The following ARSB variants were observed in gnomAD, a reference collection of about 807,000 sequenced individuals.
The protein encoded by ARSB is arylsulfatase B, also known as N-acetylgalactosamine-4-sulfatase.
In ARSB, 41 loss-of-function variants were observed where a neutral mutation model predicts 50.9. The observed-to-expected ratio is 0.81, with a 90% CI of 0.63 to 1.04. The LOEUF (loss-of-function observed/expected upper bound fraction) is 1.04, where lower values mean the gene tolerates loss of function less well. Among genes scored for constraint, ARSB ranks in the 50% least tolerant of loss-of-function variants. ARSB has a pLI of 0.00. For missense variants in ARSB, 672 were observed against 693.3 expected (o/e 0.97, Z 0.35); for synonymous variants, 269 against 284.8 (o/e 0.94, Z 0.56).
chr5:78,938,533 T>C (rs900825899), intron 4 of ARSB, among the ~76,000 whole-genome samples: 3 of 152,228 alleles, frequency 2.0e-5, no homozygotes, highest in Non-Finnish European at 2.9e-5. Context: ...AGCTTTTCCT[T>C]AGCTTTGTCA....
intron 6 of ARSB, among the ~76,000 whole-genome samples, chr5:78,790,967 C>T (rs1425198230): frequency 6.6e-6 from 1 of 152,190 alleles, no homozygotes; most frequent in African/African-American, 2.4e-5. Flanking sequence ...CACTTTTAGT[C>T]TGTAGCCCCT....
intron 4 of ARSB, among the ~76,000 whole-genome samples, chr5:78,926,731 A>T (rs550052739): frequency 6.6e-6 from 1 of 152,326 alleles, no homozygotes; most frequent in South Asian, 2.1e-4. Flanking sequence ...CTTCAACAAA[A>T]TAATCCCTGG....
chr5:78,870,064 A>G (rs2112145171), intron 5 of ARSB, among the ~76,000 whole-genome samples: 2 of 131,322 alleles, frequency 1.5e-5, no homozygotes, highest in African/African-American at 5.4e-5. Flanking sequence ...GAAAATCTAG[A>G]AGAAATGGAT....
At chr5:78,921,721 A>G (rs1298431710) in intron 4 of ARSB, among the ~76,000 whole-genome samples, 2 of 152,228 alleles carry the variant, frequency 1.3e-5, no homozygotes, top group Non-Finnish European at 2.9e-5. Flanking sequence ...TGAATAACCA[A>G]TGGGTTAAAG....
intron 6 of ARSB, among the ~76,000 whole-genome samples, chr5:78,830,482 C>G (rs999070675): frequency 2.0e-5 from 3 of 152,174 alleles, no homozygotes; most frequent in African/African-American, 7.2e-5. Context: ...TCTGCGTAGC[C>G]TAGGCCAGTG....
intron 4 of ARSB, among the ~76,000 whole-genome samples, chr5:78,916,550 T>C (rs1013704606): frequency 6.6e-5 from 10 of 152,222 alleles, no homozygotes; most frequent in African/African-American, 2.2e-4. Flanking sequence ...GACATCTTTC[T>C]CTTATTGATA....
At chr5:78,910,654 T>C (rs1403430180) in intron 4 of ARSB, among the ~76,000 whole-genome samples, 1 of 152,146 alleles carries the variant, frequency 6.6e-6, no homozygotes, top group Non-Finnish European at 1.5e-5. Context: ...AAATAGAACA[T>C]CTCTTCTATT....
chr5:78,806,822 G>A (rs1047795828), intron 6 of ARSB, among the ~76,000 whole-genome samples: 3 of 152,212 alleles, frequency 2.0e-5, no homozygotes, highest in African/African-American at 7.2e-5. Context: ...CCACCGGAAT[G>A]TGCCATGTGG....
Position 78,809,670 on chromosome 5 carries a change from C to T in ARSB, c.1214-27696G>A, listed in dbSNP as rs867200288. ...GGCCAGGCCTAACACTAGGCAGAGA[C>T]GACTCTGCAGCTGTCTGCTCACACT... On this transcript the variant is annotated intron_variant, in intron 6 of 7. Coordinates refer to ENST00000264914, the MANE Select transcript of ARSB (RefSeq NM_000046.5). Among the ~76,000 whole-genome samples, 13 of 152,374 alleles carry T rather than the reference C, an allele frequency of 8.5e-5. No homozygotes were observed. The Middle Eastern group carries it at 0.014, about 159-fold the overall frequency.
chr5:78,871,820 T>C (rs1247263378), intron 5 of ARSB, among the ~76,000 whole-genome samples: 1 of 129,928 alleles, frequency 7.7e-6, no homozygotes, highest in African/African-American at 2.6e-5. Flanking sequence ...ACAAATGGGA[T>C]CTAATTAAAC....
Position 78,818,598 on chromosome 5 carries a change from C to CTTTTTTTT in ARSB, c.1213+20750_1213+20757dup, listed in dbSNP as rs775162579. Reference sequence around the variant, plus strand: ...TGGAAAGAACCCATAAAATAAAGCTCTTTTTTTTTTTTTTTTTTTTTTTTT... The same window carrying CTTTTTTTT: ...TGGAAAGAACCCATAAAATAAAGCTCTTTTTTTTTTTTTTTTTTTTTTTTTTTTTTTTT... On this transcript the variant is annotated intron_variant, in intron 6 of 7. Transcript: ENST00000264914. Among the ~76,000 whole-genome samples, 20 of 74,192 alleles carry CTTTTTTTT rather than the reference C, an allele frequency of 2.7e-4. 1 individual carries two copies. Among genetic ancestry groups the CTTTTTTTT allele is most frequent in the East Asian group, 5.1e-4 (1 of 1,960 alleles). The allele number at this position is 74,192 out of a possible 152,430, so 48.7% of individuals were successfully genotyped here. A position where few individuals can be genotyped will look rare whatever the true frequency, so the allele number is the denominator to read the frequency against.
At chr5:78,845,985 T>A (rs1745426838) in intron 5 of ARSB, among the ~76,000 whole-genome samples, 1 of 152,132 alleles carries the variant, frequency 6.6e-6, no homozygotes, top group African/African-American at 2.4e-5. Context: ...ATTTCTCCTA[T>A]GTTTTCTTTC....
At chr5:78,805,106 G>A (rs376417641) in intron 6 of ARSB, among the ~76,000 whole-genome samples, 8 of 152,216 alleles carry the variant, frequency 5.3e-5, no homozygotes, top group African/African-American at 1.4e-4. Flanking sequence ...GTGAAACAGA[G>A]ACCCCGACCA....
Position 78,985,144 on chromosome 5 carries a change from C to T in ARSB, c.105G>A (p.Pro35=), listed in dbSNP as rs1423589060. ...PLLLLLLLAP[P]GSGAGASRPP... is the part of the protein sequence containing the mutation. ...GCCGGCTGGCCCCGGCGCCCGAGCC[C>T]GGCGGCGCCAACAACAGCAGCAGCA... Residue 35 remains proline (P), a synonymous_variant, in exon 1 of 8, where the codon CCG becomes CCA. Coordinates refer to ENST00000264914, the MANE Select transcript of ARSB (RefSeq NM_000046.5). The T allele has an allele frequency of 2.6e-5, 38 of 1,455,770 alleles. No individual in the cohort carries two copies. Among genetic ancestry groups the T allele is most frequent in the Admixed American group, 4.9e-5 (2 of 41,070 alleles). The allele number at this position is 1,455,770 out of a possible 1,614,324, so 90.2% of individuals were successfully genotyped here. A position where few individuals can be genotyped will look rare whatever the true frequency, so the allele number is the denominator to read the frequency against.
chr5:78,807,860 G>A (rs1743625620), intron 6 of ARSB, among the ~76,000 whole-genome samples: 1 of 151,936 alleles, frequency 6.6e-6, no homozygotes, highest in Non-Finnish European at 1.5e-5. Flanking sequence ...TTGGGAGGCC[G>A]AGGCGGGCGG....
In ARSB at chr5:78,985,046, C is replaced by G; in HGVS notation, c.203G>C (p.Arg68Pro). 1 of 1,540,908 alleles carries G rather than the reference C, an allele frequency of 6.5e-7. No individual in the cohort carries two copies. The highest frequency in any genetic ancestry group is 8.7e-7 in the Non-Finnish European group (1 of 1,145,610). Residue 68 changes from arginine to proline, a missense_variant, in exon 1 of 8, where the codon CGC (arginine) becomes CCC (proline). Arg to Pro is a moderately radical substitution (Grantham distance 103). Coordinates refer to ENST00000264914, the MANE Select transcript of ARSB (RefSeq NM_000046.5). ...CGCCAGCGCGTCCAGGTGCGGCGTG[C>G]GGATGCGGGAGCCGTGGAAGCCGAC... is the stretch of plus-strand genomic sequence containing the variant. ...NDVGFHGSRI[R>P]TPHLDALAAG...
chr5:78,966,444 C>T (rs1175821231), intron 2 of ARSB, among the ~76,000 whole-genome samples: 1 of 152,158 alleles, frequency 6.6e-6, no homozygotes, highest in Non-Finnish European at 1.5e-5. Context: ...ATTCACATAC[C>T]ACACAAGTCA....
At chr5:78,910,390 G>T (rs1481224842) in intron 4 of ARSB, among the ~76,000 whole-genome samples, 1 of 152,184 alleles carries the variant, frequency 6.6e-6, no homozygotes, top group African/African-American at 2.4e-5. Context: ...TCATCTGAAG[G>T]TCCAATAAAA....
chr5:78,943,210 C>G (rs1751026803), intron 4 of ARSB, among the ~76,000 whole-genome samples: 1 of 152,322 alleles, frequency 6.6e-6, no homozygotes, highest in East Asian at 1.9e-4. Flanking sequence ...ATACAGCATA[C>G]TGATGGGTCT....
Sources: gnomAD v4.1 joint callset for allele counts (sites outside exome capture counted in the v4.1 genomes callset) on GRCh38, gnomAD v4.1.1 for gene constraint, MANE v1.5 for transcripts, NCBI Gene and HGNC (gene_info 2026-07-23, HGNC 2026-07-21) for gene names.